PHF19: variants seen among roughly 807,000 people sequenced by gnomAD.
PHF19 encodes PHD finger protein 19.
PHF19 carries 21 observed loss-of-function variants against 79.8 expected under a neutral mutation model. The observed-to-expected ratio is 0.26, with a 90% confidence interval of 0.19 to 0.38. The LOEUF (loss-of-function observed/expected upper bound fraction) is 0.38. PHF19 is among the 10% of genes least tolerant of loss of function. The pLI is 1.00. For synonymous variants in PHF19, 273 were observed against 296.3 expected, an observed-to-expected ratio of 0.92 and a Z score of 0.81; for missense variants, 445 against 744.2, an observed-to-expected ratio of 0.60 and a Z score of 4.68.
chr9:120,869,131 ATTC>A lies in PHF19; in HGVS notation c.614+48_614+50del. ...TCCCTATGGGCGGTCCCTGCTGGCG[ATTC>A]TTGGAGACCTGCCCTGCCGCCCGGG... On this transcript the variant is annotated intron_variant, in intron 6 of 14. Transcript: ENST00000373896. This position sits in a 1 kb window ranked among gnomAD's most constrained non-coding sequence, Gnocchi z 5.8. The A allele has an allele frequency of 6.4e-7, 1 of 1,553,624 alleles. No homozygotes were observed. Among genetic ancestry groups the A allele is most frequent in the South Asian group, 1.2e-5 (1 of 84,388 alleles).
In PHF19 at chr9:120,869,467, G is replaced by A. The variant is rs2045823983; in HGVS notation, c.466-137C>T. On this transcript the variant is annotated intron_variant, in intron 5 of 14. Coordinates refer to ENST00000373896, the MANE Select transcript of PHF19 (RefSeq NM_015651.3). The surrounding 1 kb of genome is among the most constrained non-coding windows in gnomAD (Gnocchi z 5.8). Reference sequence around the variant, plus strand: ...ATTCCAATATAGTCAGAAAAGCAAGGAGCTTTTTCTCATTAATTCCAAACC... The same window carrying A: ...ATTCCAATATAGTCAGAAAAGCAAGAAGCTTTTTCTCATTAATTCCAAACC... The A allele has an allele frequency of 1.5e-6, 2 of 1,316,396 alleles. No homozygotes were observed. The highest frequency in any genetic ancestry group is 2.0e-6 in the Non-Finnish European group (2 of 985,254). 81.5% of individuals were successfully genotyped at this position (1,316,396 alleles called of 1,614,324 possible).
chr9:120,858,827 A>T (rs971880795), intron 14 of PHF19, among the ~76,000 whole-genome samples: 10 of 151,096 alleles, frequency 6.6e-5, no homozygotes, highest in South Asian at 4.2e-4. Context: ...ACACACACAC[A>T]CACACACACA....
Position 120,869,851 on chromosome 9 carries a change from A to G in PHF19, c.459T>C (p.Ala153=). Residue 153 remains alanine, a synonymous_variant, in exon 5 of 15, where the codon GCT becomes GCC. Coordinates refer to ENST00000373896, the MANE Select transcript of PHF19 (RefSeq NM_015651.3). This position sits in a 1 kb window ranked among gnomAD's most constrained non-coding sequence, Gnocchi z 5.8. ...WFCRRCIFAL[A]VRKGGALKKG... ...GGGAGGATGGAAGGCTCACCCGCACAGCCAGTGCGAAGATGCAGCGTCGGC... is the reference window on the plus strand; with the variant it reads ...GGGAGGATGGAAGGCTCACCCGCACGGCCAGTGCGAAGATGCAGCGTCGGC... 1 of 1,612,656 alleles carries G rather than the reference A, an allele frequency of 6.2e-7. No individual in the cohort carries two copies. Among genetic ancestry groups the G allele is most frequent in the African/African-American group, 1.3e-5 (1 of 75,026 alleles).
intron 1 of PHF19, among the ~76,000 whole-genome samples, chr9:120,883,556 C>T (rs774837043): frequency 1.5e-4 from 23 of 152,120 alleles, no homozygotes; most frequent in Non-Finnish European, 3.2e-4. Flanking sequence ...CTCCGGAGTT[C>T]GAGCCCAGCC....
chr9:120,880,437 T>C (rs1326352328), upstream of PHF19, among the ~76,000 whole-genome samples: 1 of 152,162 alleles, frequency 6.6e-6, no homozygotes, highest in African/African-American at 2.4e-5. Flanking sequence ...GGAGGTTGCA[T>C]TGAGCGAAAT....
intron 1 of PHF19, among the ~76,000 whole-genome samples, chr9:120,886,852 A>C (rs2046269930): frequency 6.6e-6 from 1 of 152,210 alleles, no homozygotes; most frequent in Non-Finnish European, 1.5e-5. Flanking sequence ...GTTGACTTTA[A>C]GAAAAATTCC....
rs752804322 is a variant in PHF19 at position 120,862,648 on chromosome 9, A to T, written c.1070T>A (p.Leu357Gln). 2.8e-5 allele frequency: 46 copies of T among 1,614,200 alleles called. No individual in the cohort carries two copies. Among genetic ancestry groups the T allele is most frequent in the Non-Finnish European group, 3.3e-5 (39 of 1,180,028 alleles). The change falls in exon 11 of 15, where the codon CTG becomes CAG. Residue 357 changes from leucine (L) to glutamine (Q), a missense_variant. Leu to Gln is a moderately radical substitution (Grantham distance 113, BLOSUM62 -2). Around this residue, in one of 5 missense-constraint regions of PHF19, gnomAD observed 83 missense variants for 85.5 expected, o/e 0.97. Coordinates refer to ENST00000373896, the MANE Select transcript of PHF19 (RefSeq NM_015651.3). This position sits in a 1 kb window ranked among gnomAD's most constrained non-coding sequence, Gnocchi z 4.6. ...GGAGGCGCTGTTCTCATTTGGCAGC[A>T]GTCCTTTGTCAGGCAGCAGCTTCCC... ...PPGKLLPDKG[L>Q]LPNENSASSE... is the part of the protein sequence containing the mutation.
At chr9:120,877,450 C>G (rs2046101466), upstream of PHF19, 2 of 727,456 alleles carry the variant, frequency 2.7e-6, no homozygotes, top group South Asian at 6.0e-5. Flanking sequence ...CGCCCCCGCC[C>G]GCCCCGCGGG....
intron 3 of PHF19, among the ~76,000 whole-genome samples, chr9:120,873,699 G>A (rs987777800): frequency 2.0e-5 from 3 of 152,208 alleles, no homozygotes; most frequent in Admixed American, 6.5e-5. Flanking sequence ...CAGGCCTGAG[G>A]CCCAGTCCTG....
Position 120,862,128 on chromosome 9 carries a change from T to C in PHF19, c.1131-123A>G, listed in dbSNP as rs2045547586. 4 of 754,080 alleles carry C rather than the reference T, an allele frequency of 5.3e-6. No homozygotes were observed. The highest frequency in any genetic ancestry group is 9.6e-6 in the Non-Finnish European group (4 of 415,946). 46.7% of individuals were successfully genotyped at this position (754,080 alleles called of 1,614,324 possible). The stretch of plus-strand genomic sequence containing the variant: ...TGGGGAGACAGGCTCTGAACACAGC[T>C]GCACCTTCACAGGGAGGCCTGGGGA... On this transcript the variant is annotated intron_variant, in intron 11 of 14. Coordinates refer to ENST00000373896, the MANE Select transcript of PHF19 (RefSeq NM_015651.3). This position sits in a 1 kb window ranked among gnomAD's most constrained non-coding sequence, Gnocchi z 4.6.
At chr9:120,899,495 CAAAAAA>C (rs1261417216), upstream of PHF19, among the ~76,000 whole-genome samples, 1 of 95,066 alleles carries the variant, frequency 1.1e-5, no homozygotes. Context: ...GACTCCGTCT[CAAAAAA>C]AAAAAAAAAA....
At chr9:120,877,424 G>GCCGCCAGCCC (rs1279291682), upstream of PHF19, 91 of 911,814 alleles carry the variant, frequency 1.0e-4, no homozygotes, top group Non-Finnish European at 1.1e-4. Flanking sequence ...GCTCCGCAGC[G>GCCGCCAGCCC]CCGCCAGCCC....
At chr9:120,873,514 T>A (rs2045962046) in intron 3 of PHF19, among the ~76,000 whole-genome samples, 2 of 152,246 alleles carry the variant, frequency 1.3e-5, no homozygotes, top group South Asian at 4.1e-4. Context: ...TCCTCCCAAC[T>A]CCTTGCCCCG....
In PHF19 at chr9:120,869,355, C is replaced by T; in HGVS notation, c.466-25G>A. 21 of 1,607,618 alleles carry T rather than the reference C, an allele frequency of 1.3e-5. No homozygotes were observed. The highest frequency in any genetic ancestry group is 1.7e-5 in the Non-Finnish European group (20 of 1,177,838). On this transcript the variant is annotated intron_variant, in intron 5 of 14. Coordinates refer to ENST00000373896, the MANE Select transcript of PHF19 (RefSeq NM_015651.3). The surrounding 1 kb of genome is among the most constrained non-coding windows in gnomAD (Gnocchi z 5.8). Reference sequence around the variant, plus strand: ...TCTGGGGGGAGACGAGGGCCCCAGTCAACCACCAGGTCCGGGTGGACCACG... The same window carrying T: ...TCTGGGGGGAGACGAGGGCCCCAGTTAACCACCAGGTCCGGGTGGACCACG...
chr9:120,885,997 T>C (rs1426124035), intron 1 of PHF19, among the ~76,000 whole-genome samples: 5 of 152,226 alleles, frequency 3.3e-5, no homozygotes, highest in Non-Finnish European at 7.3e-5. Flanking sequence ...CCTTTCTCTG[T>C]TGTCTGTTCT....
At chr9:120,901,101 C>T in the PHF19 span, among the ~76,000 whole-genome samples, 2 of 152,192 alleles carry the variant, frequency 1.3e-5, no homozygotes, top group Non-Finnish European at 2.9e-5. Flanking sequence ...GGTAGAGGGA[C>T]CTACTGCCTC....
In PHF19 at chr9:120,860,852, C is replaced by T. The variant is rs1258896513; in HGVS notation, c.1304+237G>A. The stretch of plus-strand genomic sequence containing the variant: ...AGGGAGCAATACGAGCAAAGATGAG[C>T]AAGCATCAAACAGCATGGTGAGTGT... On this transcript the variant is annotated intron_variant, in intron 13 of 14. Coordinates refer to ENST00000373896, the MANE Select transcript of PHF19 (RefSeq NM_015651.3). The surrounding 1 kb of genome is among the most constrained non-coding windows in gnomAD (Gnocchi z 4.1). 3 of 476,120 alleles carry T rather than the reference C, an allele frequency of 6.3e-6. No individual in the cohort carries two copies. The highest frequency in any genetic ancestry group is 1.2e-5 in the Non-Finnish European group (3 of 257,880). 29.5% of individuals were successfully genotyped at this position (476,120 alleles called of 1,614,324 possible).
upstream of PHF19, among the ~76,000 whole-genome samples, chr9:120,879,278 A>C (rs1029847509): frequency 1.3e-5 from 2 of 152,134 alleles, no homozygotes; most frequent in African/African-American, 4.8e-5. Context: ...GAGCGGGGGG[A>C]TGTGAGACAC....
intron 3 of PHF19, among the ~76,000 whole-genome samples, chr9:120,872,180 T>G (rs1310533584): frequency 1.3e-5 from 2 of 151,984 alleles, no homozygotes; most frequent in Non-Finnish European, 2.9e-5. Flanking sequence ...TTGCCTCCTA[T>G]TCTTGAACAT....
Sources: gnomAD v4.1 joint callset for allele counts (sites outside exome capture counted in the v4.1 genomes callset) on GRCh38, gnomAD v4.1.1 for gene constraint, gnomAD v4.1.1 regional missense constraint, Gnocchi (gnomAD v3.1) non-coding constraint, MANE v1.5 for transcripts, NCBI Gene and HGNC (gene_info 2026-07-23, HGNC 2026-07-21) for gene names.